Variants in TGDS observed in about 807,000 individuals in gnomAD.
The protein encoded by TGDS is UDP-D-glucose 4,6-dehydratase.
Under a neutral mutation model 52.3 loss-of-function variants are expected in TGDS, and 47 were observed. The ratio of observed to expected loss-of-function variants is 0.90; its 90% CI spans 0.71 to 1.15. The LOEUF is 1.15. Among genes scored for constraint, TGDS ranks in the 50% most tolerant of loss-of-function variants. The pLI is 0.00. For missense variants in TGDS, 375 were observed against 418.4 expected (o/e 0.90, Z 0.90); for synonymous variants, 115 against 136.9 (o/e 0.84, Z 1.12).
chr13:94,579,800 T>C (rs76332786), intron 7 of TGDS, 94 bp downstream of exon 7: 1 of 697,056 alleles, frequency 1.4e-6, no homozygotes, highest in Admixed American at 2.9e-5. Flanking sequence ...ATTTACAACA[T>C]ATTATTTTAG....
At chr13:94,575,541 T>G (rs1462003574) in intron 11 of TGDS, among the ~76,000 whole-genome samples, 1 of 152,082 alleles carries the variant, frequency 6.6e-6, no homozygotes, top group Non-Finnish European at 1.5e-5. Flanking sequence ...CCTCCCACTT[T>G]GGTCTCCAAA....
intron 3 of TGDS, among the ~76,000 whole-genome samples, chr13:94,591,925 G>A (rs746795526): frequency 2.0e-5 from 3 of 152,210 alleles, no homozygotes; most frequent in Non-Finnish European, 2.9e-5. Context: ...TTGTCTAAAA[G>A]TGAGACTTCC....
chr13:94,590,792 T>C (rs1366664245), intron 4 of TGDS, 61 bp downstream of exon 4: 9 of 1,295,956 alleles, frequency 6.9e-6, no homozygotes, highest in Non-Finnish European at 9.5e-6. Flanking sequence ...ATATAAGTAT[T>C]AGGGGGGCGA....
Position 94,578,148 on chromosome 13 carries a change from G to A in TGDS, c.682C>T (p.Gln228Ter). Residue 228 changes from glutamine (Q) to a stop codon, truncating the protein, a stop_gained, in exon 9 of 12, where the codon CAA becomes TAA. Transcript: ENST00000261296. LOFTEE classifies it high-confidence loss of function. Reference protein sequence around the residue: ...RKCCIHGSGLQTRNFLYATDV... With the variant: ...RKCCIHGSGL Reference sequence around the variant, plus strand: ...GTAGCATAAAGGAAGTTTCTTGTTTGAAGCCCTGACCCATGAATGCAACTA... The same window carrying A: ...GTAGCATAAAGGAAGTTTCTTGTTTAAAGCCCTGACCCATGAATGCAACTA... 1 of 1,613,676 alleles carries A rather than the reference G, an allele frequency of 6.2e-7. No individual in the cohort carries two copies. Among genetic ancestry groups the A allele is most frequent in the Non-Finnish European group, 8.5e-7 (1 of 1,179,788 alleles).
intron 1 of TGDS, among the ~76,000 whole-genome samples, chr13:94,594,999 A>C (rs757246986): frequency 1.3e-5 from 2 of 152,170 alleles, no homozygotes; most frequent in Non-Finnish European, 1.5e-5. Flanking sequence ...TTTGCATTTT[A>C]GAGTGGGGAT....
rs1453061175 is a variant in TGDS, at chr13:94,578,017, T to G, written c.813A>C (p.Glu271Asp). The change falls in exon 9 of 12, where the codon GAA becomes GAC. Residue 271 changes from glutamate to aspartate, a missense_variant. Transcript: ENST00000261296. ...AACAGATACATACCAGTTGTATTAG[T>G]TCTTTGGCAAGCTGGACAACTGACA... ...FEMSVVQLAKELIQLIKETNS... is the reference protein window; with the variant it reads ...FEMSVVQLAKDLIQLIKETNS... The G allele has an allele frequency of 1.7e-5, 28 of 1,613,644 alleles. No homozygotes were observed. Among genetic ancestry groups the G allele is most frequent in the Non-Finnish European group, 2.3e-5 (27 of 1,179,814 alleles).
intron 5 of TGDS, among the ~76,000 whole-genome samples, chr13:94,582,261 A>T (rs1182542614): frequency 6.6e-6 from 1 of 152,178 alleles, no homozygotes; most frequent in East Asian, 1.9e-4. Context: ...TTGAAATTCC[A>T]ATATGTTTTC....
chr13:94,583,368 T>G, intron 4 of TGDS, 132 bp from the exon 5 acceptor site: 1 of 849,612 alleles, frequency 1.2e-6, no homozygotes, highest in Non-Finnish European at 1.7e-6. Context: ...GTTATAATAA[T>G]AACATACACA....
chr13:94,584,217 T>C (rs1888901379), intron 4 of TGDS, among the ~76,000 whole-genome samples: 1 of 152,190 alleles, frequency 6.6e-6, no homozygotes, highest in Admixed American at 6.5e-5. Context: ...TAATTCATCT[T>C]AAGGCCTAAC....
intron 2 of TGDS, 50 bp downstream of exon 2, chr13:94,593,791 T>C: frequency 7.9e-7 from 1 of 1,262,322 alleles, no homozygotes; most frequent in Non-Finnish European, 1.1e-6. Flanking sequence ...TTAGAAAACA[T>C]AAATTGAAAT....
chr13:94,582,912 C>A (rs1355807513), intron 5 of TGDS, among the ~76,000 whole-genome samples, 182 bp downstream of exon 5: 2 of 152,154 alleles, frequency 1.3e-5, no homozygotes, highest in African/African-American at 4.8e-5. Flanking sequence ...TGAGTTAATA[C>A]TTAATAAATT....
chr13:94,591,224 A>G (rs1028238669), intron 3 of TGDS, among the ~76,000 whole-genome samples: 1 of 152,226 alleles, frequency 6.6e-6, no homozygotes, highest in African/African-American at 2.4e-5. Flanking sequence ...TTGCCAACCC[A>G]AGGCCACTAT....
intron 4 of TGDS, among the ~76,000 whole-genome samples, chr13:94,584,805 A>G (rs1888922865): frequency 6.6e-6 from 1 of 152,248 alleles, no homozygotes; most frequent in African/African-American, 2.4e-5. Flanking sequence ...AAGCAACTAG[A>G]AGAGCCTCTC....
At chr13:94,585,531 C>T (rs1888944276) in intron 4 of TGDS, among the ~76,000 whole-genome samples, 1 of 151,914 alleles carries the variant, frequency 6.6e-6, no homozygotes, top group African/African-American at 2.4e-5. Flanking sequence ...GACATGGTGG[C>T]TAATGCCCGT....
chr13:94,574,340 T>C lies in TGDS; in HGVS notation c.*442A>G, dbSNP rs550308456. Reference sequence around the variant, plus strand: ...TTTTGTTCCATTATTAAGGCAATGATAGCATATCAGATCTTAAAAAAGAAA... The same window carrying C: ...TTTTGTTCCATTATTAAGGCAATGACAGCATATCAGATCTTAAAAAAGAAA... On this transcript the variant is annotated 3_prime_UTR_variant, in exon 12 of 12. Coordinates refer to ENST00000261296, the MANE Select transcript of TGDS (RefSeq NM_014305.4). 1 of 153,428 alleles carries C rather than the reference T, an allele frequency of 6.5e-6. No homozygotes were observed. The highest frequency in any genetic ancestry group is 2.4e-5 in the African/African-American group (1 of 41,650). 9.5% of individuals were successfully genotyped at this position (153,428 alleles called of 1,614,324 possible).
At chr13:94,589,880 C>T (rs902825263) in intron 4 of TGDS, among the ~76,000 whole-genome samples, 2 of 152,002 alleles carry the variant, frequency 1.3e-5, no homozygotes, top group African/African-American at 2.4e-5. Flanking sequence ...ATTATCTCAA[C>T]GTGAAGTATG....
intron 4 of TGDS, among the ~76,000 whole-genome samples, chr13:94,588,784 A>G (rs1441204643): frequency 6.6e-6 from 1 of 152,222 alleles, no homozygotes; most frequent in Non-Finnish European, 1.5e-5. Context: ...TTTAACAGAC[A>G]TGAAATCATT....
At chr13:94,576,049 G>A (rs1019443141) in intron 11 of TGDS, among the ~76,000 whole-genome samples, 6 of 152,082 alleles carry the variant, frequency 3.9e-5, no homozygotes, top group African/African-American at 1.2e-4. Context: ...TGAAGAAAGT[G>A]AAAAAATATG....
intron 3 of TGDS, among the ~76,000 whole-genome samples, chr13:94,591,537 G>A (rs1234046047): frequency 6.6e-6 from 1 of 152,178 alleles, no homozygotes; most frequent in Admixed American, 6.5e-5. Flanking sequence ...GGGTCGCAGT[G>A]AGCTGAGATC....
Sources: gnomAD v4.1 joint callset for allele counts (sites outside exome capture counted in the v4.1 genomes callset) on GRCh38, gnomAD v4.1.1 for gene constraint, MANE v1.5 for transcripts, NCBI Gene and HGNC (gene_info 2026-07-23, HGNC 2026-07-21) for gene names.